Variants in ASCC2 observed in about 807,000 individuals in gnomAD.
The protein encoded by ASCC2 is ASC-1 complex subunit P100.
Under a neutral mutation model 93.5 loss-of-function variants are expected in ASCC2, and 42 were observed. The ratio of observed to expected loss-of-function variants is 0.45; its 90% CI spans 0.35 to 0.58. The LOEUF is 0.58. Ranked by LOEUF, ASCC2 falls within the 20% of genes least tolerant of loss-of-function variation. ASCC2 has a pLI of 0.00. For synonymous variants in ASCC2, 364 were observed against 384.2 expected (o/e 0.95, Z 0.62); for missense variants, 859 against 977.6 (o/e 0.88, Z 1.62).
Position 29,802,075 on chromosome 22 carries a change from T to C in ASCC2, c.1487A>G (p.Tyr496Cys). 1.9e-6 allele frequency: 3 copies of C among 1,614,138 alleles called. No homozygotes were observed. The highest frequency in any genetic ancestry group is 2.5e-6 in the Non-Finnish European group (3 of 1,180,000). Residue 496 changes from tyrosine (Y) to cysteine (C), a missense_variant, in exon 14 of 20, where the codon TAC (tyrosine) becomes TGC (cysteine). Physicochemically the swap from Tyr to Cys is radical, Grantham distance 194 (BLOSUM62 -2). Transcript: ENST00000307790. ...FILACLEYYH[Y>C]DPEQVINNIL... The stretch of plus-strand genomic sequence containing the variant: ...ATTGTTGATCACCTGCTCTGGGTCG[T>C]AGTGGTAGTACTCCAGGCAGGCCAG...
chr22:29,820,170 C>T (rs553639338), intron 5 of ASCC2, among the ~76,000 whole-genome samples: 47 of 149,140 alleles, frequency 3.2e-4, no homozygotes, highest in African/African-American at 9.4e-4. Context: ...TTCTTTTTTT[C>T]TTTTTTTTCT....
chr22:29,795,850 A>AAT (rs2058361436), intron 15 of ASCC2, among the ~76,000 whole-genome samples: 1 of 152,176 alleles, frequency 6.6e-6, no homozygotes, highest in Non-Finnish European at 1.5e-5. Context: ...GGGGAAAATC[A>AAT]ATATGAGATG....
chr22:29,812,499 G>A (rs2060388003), intron 8 of ASCC2, among the ~76,000 whole-genome samples: 1 of 152,158 alleles, frequency 6.6e-6, no homozygotes, highest in Admixed American at 6.5e-5. Context: ...CAGCTCCTTT[G>A]GATAAAAGCC....
chr22:29,796,615 G>C (rs1231901330), intron 15 of ASCC2, among the ~76,000 whole-genome samples: 3 of 152,144 alleles, frequency 2.0e-5, no homozygotes, highest in Non-Finnish European at 1.5e-5. Context: ...TCAGTTCAAA[G>C]AAATCTTTCA....
intron 5 of ASCC2, among the ~76,000 whole-genome samples, chr22:29,818,953 C>G (rs2061227745): frequency 6.6e-6 from 1 of 152,142 alleles, no homozygotes; most frequent in Non-Finnish European, 1.5e-5. Context: ...TTCAAACCCA[C>G]ACAGATGTGC....
At chr22:29,833,025 G>A (rs2063352130) in intron 1 of ASCC2, among the ~76,000 whole-genome samples, 2 of 152,106 alleles carry the variant, frequency 1.3e-5, no homozygotes, top group Admixed American at 6.5e-5. Flanking sequence ...GCCTCCCAAA[G>A]TGCTGCCTCA....
Position 29,814,668 on chromosome 22 carries a change from T to A in ASCC2, c.709A>T (p.Met237Leu). Residue 237 changes from methionine to leucine, a missense_variant, in exon 7 of 20, where the codon ATG becomes TTG. By Grantham distance (15) the Met-to-Leu change is conservative (BLOSUM62 2). Transcript: ENST00000307790. ...EERGRLTPSDMPLLELKDIVL... is the reference protein window; with the variant it reads ...EERGRLTPSDLPLLELKDIVL... ...AAGGGCAACCTTACCAGGAGAGGCA[T>A]GTCACTGGGGGTCAATCGGCCCCTC... 5 of 1,598,792 alleles carry A rather than the reference T, an allele frequency of 3.1e-6. No homozygotes were observed. The highest frequency in any genetic ancestry group is 4.3e-6 in the Non-Finnish European group (5 of 1,174,230).
chr22:29,832,373 C>T, intron 1 of ASCC2, 31 bp from the exon 2 acceptor site: 1 of 1,518,566 alleles, frequency 6.6e-7, no homozygotes, highest in Non-Finnish European at 9.1e-7. Context: ...AAGAAGAGAG[C>T]AGACACACAG....
intron 15 of ASCC2, among the ~76,000 whole-genome samples, chr22:29,798,790 C>T (rs535133214): frequency 7.9e-4 from 120 of 152,346 alleles, no homozygotes; most frequent in South Asian, 5.4e-3. Context: ...AGGGCAAGGC[C>T]GGGTATCCAG....
intron 4 of ASCC2, 120 bp downstream of exon 4, chr22:29,824,967 G>T: frequency 1.0e-6 from 1 of 1,002,972 alleles, no homozygotes; most frequent in Non-Finnish European, 1.4e-6. Flanking sequence ...TGGGAATAAA[G>T]ATGGAAGAGA....
chr22:29,827,789 CA>C (rs2062575159), intron 2 of ASCC2, among the ~76,000 whole-genome samples: 1 of 98,264 alleles, frequency 1.0e-5, no homozygotes, highest in Non-Finnish European at 2.1e-5. Context: ...CACACACACA[CA>C]CAACCAGGCT....
chr22:29,830,052 G>C (rs181355274), intron 2 of ASCC2, among the ~76,000 whole-genome samples: 1 of 152,282 alleles, frequency 6.6e-6, no homozygotes, highest in East Asian at 1.9e-4. Context: ...CTGCCAGCAA[G>C]ACCCCTCTTC....
intron 18 of ASCC2, among the ~76,000 whole-genome samples, chr22:29,790,914 G>A (rs1420623803): frequency 6.6e-6 from 1 of 152,176 alleles, no homozygotes; most frequent in Admixed American, 6.5e-5. Flanking sequence ...GGGAGCCACC[G>A]TGGGAGCTAA....
In ASCC2 at chr22:29,802,203, C is replaced by T; in HGVS notation, c.1359G>A (p.Met453Ile). 1 of 1,614,012 alleles carries T rather than the reference C, an allele frequency of 6.2e-7. No individual in the cohort carries two copies. Among genetic ancestry groups the T allele is most frequent in the African/African-American group, 1.3e-5 (1 of 75,058 alleles). Residue 453 changes from methionine to isoleucine, a missense_variant, in exon 14 of 20, where the codon ATG (methionine) becomes ATA (isoleucine). By Grantham distance (10) the Met-to-Ile change is conservative. Transcript: ENST00000307790. ...HPENSEEEEC[M>I]GAAAAVGPAM... Reference sequence around the variant, plus strand: ...CAGGGCCCACAGCCGCGGCTGCTCCCATGCACTGTAGTGAGAGCCAGAGCC... The same window carrying T: ...CAGGGCCCACAGCCGCGGCTGCTCCTATGCACTGTAGTGAGAGCCAGAGCC...
In ASCC2 at chr22:29,793,383, A is replaced by G. The variant is rs760933084; in HGVS notation, c.1896T>C (p.Ser632=). 8 of 1,613,924 alleles carry G rather than the reference A, an allele frequency of 5.0e-6. 1 individual carries two copies. In the Middle Eastern group the frequency reaches 8.2e-4, roughly 166 times the overall value. The change falls in exon 17 of 20, where the codon TCT becomes TCC. Residue 632 remains serine, a synonymous_variant. Transcript: ENST00000307790. ...ACCTGCGGCTGATGAGCTCGTCATC[A>G]GAGTCTGCATCATTGGCGCCCACCT... is the stretch of plus-strand genomic sequence containing the variant. ...GNQVGANDAD[S]DDELISRRPF...
At chr22:29,810,671 G>A (rs1455445160) in intron 8 of ASCC2, among the ~76,000 whole-genome samples, 3 of 152,022 alleles carry the variant, frequency 2.0e-5, no homozygotes, top group African/African-American at 7.2e-5. Flanking sequence ...CTACTTCTAG[G>A]AATTATTCCT....
At chr22:29,795,609 T>C (rs2058333701) in intron 15 of ASCC2, among the ~76,000 whole-genome samples, 1 of 152,188 alleles carries the variant, frequency 6.6e-6, no homozygotes, top group Non-Finnish European at 1.5e-5. Context: ...CAAGTTTCCA[T>C]GTAAAATTTC....
chr22:29,793,268 A>G, intron 17 of ASCC2, 92 bp downstream of exon 17: 2 of 1,553,986 alleles, frequency 1.3e-6, no homozygotes, highest in Non-Finnish European at 1.7e-6. Context: ...TGGGCCCTGG[A>G]TCTGCCACAT....
chr22:29,813,491 C>T lies in ASCC2; in HGVS notation c.772G>A (p.Ala258Thr). 1.9e-6 allele frequency: 3 copies of T among 1,614,194 alleles called. No homozygotes were observed. Among genetic ancestry groups the T allele is most frequent in the Non-Finnish European group, 2.5e-6 (3 of 1,180,020 alleles). The change falls in exon 8 of 20, where the codon GCC (alanine) becomes ACC (threonine). Residue 258 changes from alanine (A) to threonine (T), a missense_variant. Coordinates refer to ENST00000307790, the MANE Select transcript of ASCC2 (RefSeq NM_032204.5). ...GCCAAAGGGAAGATATCCAGAAAGG[C>T]CCAAAGTGTGGTGCAGGTATCACAA... ...YLCDTCTTLWAFLDIFPLACQ... is the reference protein window; with the variant it reads ...YLCDTCTTLWTFLDIFPLACQ...
Sources: allele counts gnomAD v4.1 joint callset (sites outside exome capture counted in the v4.1 genomes callset), GRCh38; gene constraint gnomAD v4.1.1; transcripts MANE v1.5; gene names NCBI Gene and HGNC (gene_info 2026-07-23, HGNC 2026-07-21).